CACNA1C: variants seen among roughly 807,000 people sequenced by gnomAD.
CACNA1C encodes calcium voltage-gated channel subunit alpha1 C.
In CACNA1C, 30 loss-of-function variants were observed where a neutral mutation model predicts 229.0. That is an observed-to-expected ratio of 0.13 (90% CI 0.10 to 0.18). The LOEUF (loss-of-function observed/expected upper bound fraction) is 0.18, where lower values mean the gene tolerates loss of function less well. CACNA1C is among the 10% of genes least tolerant of loss of function. CACNA1C has a pLI of 1.00. For missense variants in CACNA1C, 1,658 were observed against 2,845.0 expected (o/e 0.58, Z 9.49); for synonymous variants, 1,114 against 1,132.5 (o/e 0.98, Z 0.33).
chr12:2,001,873 C>T (rs1327654966), intron 1 of CACNA1C, among the ~76,000 whole-genome samples: 1 of 152,218 alleles, frequency 6.6e-6, no homozygotes, highest in Non-Finnish European at 1.5e-5. Flanking sequence ...CAACCAAAAA[C>T]GTCTCCAGAC....
intron 3 of CACNA1C, among the ~76,000 whole-genome samples, chr12:2,388,328 A>G (rs2098428788): frequency 6.6e-6 from 1 of 152,256 alleles, no homozygotes; most frequent in Admixed American, 6.5e-5. Flanking sequence ...GGCACATGTA[A>G]GACTATGGTG....
chr12:2,107,592 C>A (rs1323699715), intron 1 of CACNA1C, among the ~76,000 whole-genome samples: 3 of 152,274 alleles, frequency 2.0e-5, no homozygotes, highest in African/African-American at 7.2e-5. Context: ...GGAATGCCAG[C>A]TTCCCCATTT....
At position 2,231,768 on chromosome 12, in the gene CACNA1C, A is replaced by C. The variant is rs141544638; in HGVS notation, c.477+111338A>C. ...TCCTGCAAGCTGCTAACAGTCTTGC[A>C]CAGTGCTAGACTGTGCACTAGCACT... On this transcript the variant is annotated intron_variant, in intron 3 of 46. Coordinates refer to ENST00000399655, the MANE Select transcript of CACNA1C (RefSeq NM_000719.7). Among the ~76,000 whole-genome samples the C allele has an allele frequency of 4.2e-3, 633 of 152,278 alleles. 7 individuals are homozygous for C. The highest frequency in any genetic ancestry group is 0.014 in the African/African-American group (575 of 41,566).
intron 1 of CACNA1C, among the ~76,000 whole-genome samples, chr12:2,030,860 G>A (rs1195958708): frequency 2.6e-5 from 4 of 152,252 alleles, no homozygotes; most frequent in African/African-American, 7.2e-5. Flanking sequence ...GTCACCTGAG[G>A]TGAGGCAGGT....
At chr12:2,359,117 T>C (rs1334757824) in intron 3 of CACNA1C, among the ~76,000 whole-genome samples, 5 of 152,254 alleles carry the variant, frequency 3.3e-5, no homozygotes, top group Non-Finnish European at 7.3e-5. Flanking sequence ...TTTCTGCTTA[T>C]GGTTTAAACA....
intron 3 of CACNA1C, among the ~76,000 whole-genome samples, chr12:2,241,703 G>T (rs539616717): frequency 6.6e-6 from 1 of 152,252 alleles, no homozygotes; most frequent in Non-Finnish European, 1.5e-5. Context: ...GTCCTCCGTG[G>T]CTCAGAAGCA....
Position 2,688,412 on chromosome 12 carries a change from A to C in CACNA1C, c.5785-35A>C, listed in dbSNP as rs1034536704. On this transcript the variant is annotated intron_variant, in intron 45 of 46. Transcript: ENST00000399655. ...GGGCCTGCCTTGTTTGGGGTCGGCC[A>C]CTCCTATTAACTCACACTCCTTGTG... 2.5e-6 allele frequency: 4 copies of C among 1,603,716 alleles called. No homozygotes were observed. The African/African-American group carries it at 5.4e-5, about 21-fold the overall frequency.
intron 3 of CACNA1C, among the ~76,000 whole-genome samples, chr12:2,332,504 G>A (rs1403087314): frequency 1.3e-5 from 2 of 152,180 alleles, no homozygotes; most frequent in Non-Finnish European, 2.9e-5. Flanking sequence ...AATGTAACTT[G>A]GCAATTTGTA....
At chr12:2,535,631 G>C (rs770043175) in intron 9 of CACNA1C, among the ~76,000 whole-genome samples, 6 of 147,488 alleles carry the variant, frequency 4.1e-5, no homozygotes, top group African/African-American at 1.5e-4. Flanking sequence ...ACTTGAACCC[G>C]GGAGTTTTAG....
intron 3 of CACNA1C, among the ~76,000 whole-genome samples, chr12:2,288,464 T>C (rs979932511): frequency 6.6e-6 from 1 of 152,162 alleles, no homozygotes; most frequent in African/African-American, 2.4e-5. Flanking sequence ...CCTCTCCCCA[T>C]CAAAGGTGTT....
chr12:1,977,154 G>A (rs922235571), intron 1 of CACNA1C, among the ~76,000 whole-genome samples: 8 of 152,154 alleles, frequency 5.3e-5, no homozygotes, highest in Admixed American at 1.3e-4. Context: ...AAGAAAAGAC[G>A]TAACAAAGTC....
chr12:2,368,545 A>G (rs2097776547), intron 3 of CACNA1C, among the ~76,000 whole-genome samples: 1 of 152,266 alleles, frequency 6.6e-6, no homozygotes, highest in South Asian at 2.1e-4. Context: ...AACTTTTAAA[A>G]TGTGCTTAGG....
At chr12:2,592,702 A>G (rs61907962) in intron 18 of CACNA1C, among the ~76,000 whole-genome samples, 1 of 76,260 alleles carries the variant, frequency 1.3e-5, no homozygotes, top group Non-Finnish European at 2.5e-5. Context: ...ACAGCACATG[A>G]ATTTTTTTTT....
intron 3 of CACNA1C, among the ~76,000 whole-genome samples, chr12:2,327,474 A>C (rs1163979063): frequency 6.6e-6 from 1 of 152,162 alleles, no homozygotes; most frequent in African/African-American, 2.4e-5. Flanking sequence ...TTTCTTCCTG[A>C]TTCTGATTCT....
chr12:2,539,887 C>G (rs571946140), intron 9 of CACNA1C, among the ~76,000 whole-genome samples: 209 of 152,064 alleles, frequency 1.4e-3, no homozygotes, highest in Non-Finnish European at 1.8e-3. Flanking sequence ...AAGATGCAGG[C>G]AGGGTTTAAG....
intron 5 of CACNA1C, among the ~76,000 whole-genome samples, chr12:2,473,910 T>A (rs377271821): frequency 6.6e-6 from 1 of 152,162 alleles, no homozygotes; most frequent in Non-Finnish European, 1.5e-5. Flanking sequence ...TCGAGTTACA[T>A]AGAAAGATTA....
chr12:2,440,034 C>T (rs1367139289), intron 3 of CACNA1C, among the ~76,000 whole-genome samples: 1 of 152,200 alleles, frequency 6.6e-6, no homozygotes, highest in Non-Finnish European at 1.5e-5. Flanking sequence ...AGTCTAGGCT[C>T]ACCCTGCGCA....
intron 3 of CACNA1C, among the ~76,000 whole-genome samples, chr12:2,443,721 A>T (rs528666218): frequency 6.6e-6 from 1 of 152,298 alleles, no homozygotes; most frequent in East Asian, 1.9e-4. Flanking sequence ...TATTCAAGGA[A>T]CCAGAGGCAC....
chr12:2,462,635 C>A (rs1389961749), intron 5 of CACNA1C, among the ~76,000 whole-genome samples: 1 of 152,220 alleles, frequency 6.6e-6, no homozygotes, highest in Non-Finnish European at 1.5e-5. Flanking sequence ...CCCATGGCGG[C>A]TGGCATAGCT....
Sources: gnomAD v4.1 joint callset for allele counts (sites outside exome capture counted in the v4.1 genomes callset) on GRCh38, gnomAD v4.1.1 for gene constraint, MANE v1.5 for transcripts, NCBI Gene and HGNC (gene_info 2026-07-23, HGNC 2026-07-21) for gene names.